The following KREMEN1 variants were observed in gnomAD, a reference collection of about 807,000 sequenced individuals.
The protein encoded by KREMEN1 is kringle containing transmembrane protein 1, also known as kremen protein 1.
Under a neutral mutation model 46.5 loss-of-function variants are expected in KREMEN1, and 30 were observed. The observed-to-expected ratio is 0.65, with a 90% CI of 0.48 to 0.88. The LOEUF is 0.88. Ranked by LOEUF, KREMEN1 falls within the 40% of genes least tolerant of loss-of-function variation. The pLI is 0.00. For synonymous variants in KREMEN1, 214 were observed against 230.6 expected (o/e 0.93, Z 0.65); for missense variants, 533 against 596.9 (o/e 0.89, Z 1.11).
intron 1 of KREMEN1, among the ~76,000 whole-genome samples, chr22:29,088,646 TA>T (rs1294212227): frequency 6.6e-6 from 1 of 152,206 alleles, no homozygotes; most frequent in African/African-American, 2.4e-5. Context: ...TAACCTCAGT[TA>T]TCATGATGCT....
chr22:29,076,173 A>G (rs573709218), intron 1 of KREMEN1, among the ~76,000 whole-genome samples: 2 of 152,332 alleles, frequency 1.3e-5, no homozygotes, highest in South Asian at 4.1e-4. Context: ...TTTAGGGTCT[A>G]TTAGGTGCAC....
At chr22:29,151,699 TCCC>T (rs890335366), downstream of KREMEN1, among the ~76,000 whole-genome samples, 9 of 152,090 alleles carry the variant, frequency 5.9e-5, no homozygotes, top group Non-Finnish European at 1.2e-4. Flanking sequence ...TTTGATTTTT[TCCC>T]CCCAAAATTA....
chr22:29,118,571 C>T (rs115854495), intron 3 of KREMEN1, among the ~76,000 whole-genome samples: 1,978 of 152,200 alleles, frequency 0.013, 29 homozygotes, highest in African/African-American at 0.044. Flanking sequence ...TTGCTGAGGG[C>T]TACCTTCTTG....
chr22:29,135,441 G>A (rs1056723230), intron 5 of KREMEN1, among the ~76,000 whole-genome samples: 24 of 152,128 alleles, frequency 1.6e-4, no homozygotes, highest in African/African-American at 4.3e-4. Flanking sequence ...CCCAGCTGCC[G>A]AAGGCTTTTA....
intron 1 of KREMEN1, among the ~76,000 whole-genome samples, chr22:29,075,517 C>T (rs1328504911): frequency 6.6e-6 from 1 of 152,136 alleles, no homozygotes; most frequent in Non-Finnish European, 1.5e-5. Flanking sequence ...ATAAGTGGCC[C>T]AAGTTCCCAA....
chr22:29,088,829 A>G (rs2037767449), intron 1 of KREMEN1, among the ~76,000 whole-genome samples: 1 of 152,228 alleles, frequency 6.6e-6, no homozygotes, highest in African/African-American at 2.4e-5. Flanking sequence ...AAGTCAAGAA[A>G]CTGAGGCTCA....
intron 3 of KREMEN1, chr22:29,099,345 T>A (rs2037937271): frequency 6.0e-6 from 1 of 166,450 alleles, no homozygotes; most frequent in Non-Finnish European, 1.3e-5. Flanking sequence ...TTACTTGGAT[T>A]TGAATGGGTC....
intron 1 of KREMEN1, among the ~76,000 whole-genome samples, chr22:29,092,236 G>A (rs571017036): frequency 9.8e-5 from 15 of 152,302 alleles, no homozygotes; most frequent in African/African-American, 2.4e-4. Context: ...CTGACGAATC[G>A]GAAGTGGAGT....
chr22:29,099,683 T>C (rs1447318612), intron 3 of KREMEN1, among the ~76,000 whole-genome samples: 1 of 151,474 alleles, frequency 6.6e-6, no homozygotes, highest in African/African-American at 2.4e-5. Context: ...TCGCAGTAGC[T>C]GGGACTGCAG....
Position 29,138,724 on chromosome 22 carries a change from C to T in KREMEN1, c.1065C>T (p.Ser355=), listed in dbSNP as rs1016322432. ...ACCTCAGTGTCAGCGCTGCCCGGTC[C>T]TCCAAAGTCCTCTATGTCATCACCA... is the stretch of plus-strand genomic sequence containing the variant. ...QANLSVSAAR[S]SKVLYVITTS... The change falls in exon 7 of 9, where the codon TCC becomes TCT. Residue 355 remains serine (S), a synonymous_variant. Transcript: ENST00000400335. The T allele has an allele frequency of 1.9e-6, 3 of 1,614,116 alleles. No individual in the cohort carries two copies. Among genetic ancestry groups the T allele is most frequent in the Non-Finnish European group, 2.5e-6 (3 of 1,180,058 alleles).
At chr22:29,134,293 G>A (rs1010839350) in intron 5 of KREMEN1, among the ~76,000 whole-genome samples, 3 of 152,084 alleles carry the variant, frequency 2.0e-5, no homozygotes, top group Admixed American at 6.6e-5. Flanking sequence ...GAGTAGCTGG[G>A]ACTGCAGGCA....
intron 3 of KREMEN1, among the ~76,000 whole-genome samples, chr22:29,101,252 C>CAAAA (rs368843166): frequency 4.7e-3 from 348 of 74,680 alleles, no homozygotes; most frequent in East Asian, 0.011. Context: ...AGTCTGTCTC[C>CAAAA]AAAAAAAAAA....
chr22:29,076,066 A>G (rs1343979724), intron 1 of KREMEN1, among the ~76,000 whole-genome samples: 1 of 152,180 alleles, frequency 6.6e-6, no homozygotes, highest in African/African-American at 2.4e-5. Flanking sequence ...TTCAAGGAGG[A>G]GTGCAACCAG....
At chr22:29,136,097 T>C (rs2038652180) in intron 5 of KREMEN1, among the ~76,000 whole-genome samples, 1 of 151,984 alleles carries the variant, frequency 6.6e-6, no homozygotes, top group Non-Finnish European at 1.5e-5. Context: ...AATTTTTGTA[T>C]TTTTAGTAGA....
chr22:29,086,280 A>G (rs2037726804), intron 1 of KREMEN1, among the ~76,000 whole-genome samples: 4 of 152,164 alleles, frequency 2.6e-5, no homozygotes. Context: ...CTGAGGCCCA[A>G]TGATGTCTGA....
At chr22:29,079,101 T>G (rs1197229860) in intron 1 of KREMEN1, among the ~76,000 whole-genome samples, 2 of 152,194 alleles carry the variant, frequency 1.3e-5, no homozygotes, top group Non-Finnish European at 2.9e-5. Context: ...TTGTCTGTAT[T>G]CAGACTGATG....
chr22:29,124,467 T>C (rs2038408469), intron 4 of KREMEN1, among the ~76,000 whole-genome samples: 1 of 150,706 alleles, frequency 6.6e-6, no homozygotes, highest in East Asian at 1.9e-4. Context: ...TTCTGAATCC[T>C]GATTGTACTG....
intron 3 of KREMEN1, among the ~76,000 whole-genome samples, chr22:29,101,277 G>T (rs948278640): frequency 5.8e-5 from 8 of 138,078 alleles, no homozygotes; most frequent in Non-Finnish European, 1.2e-4. Context: ...AAAAAAAAAG[G>T]ATGTAAGGGA....
chr22:29,135,761 G>A (rs904256034), intron 5 of KREMEN1, among the ~76,000 whole-genome samples: 1 of 152,066 alleles, frequency 6.6e-6, no homozygotes, highest in South Asian at 2.1e-4. Flanking sequence ...CTTCTCTGGC[G>A]GTCACCTCTT....
Sources: gnomAD v4.1 joint callset for allele counts (sites outside exome capture counted in the v4.1 genomes callset) on GRCh38, gnomAD v4.1.1 for gene constraint, MANE v1.5 for transcripts, NCBI Gene and HGNC (gene_info 2026-07-23, HGNC 2026-07-21) for gene names.